The following ARK2C variants were observed in gnomAD, a reference collection of about 807,000 sequenced individuals.
The protein encoded by ARK2C is E3 ubiquitin-protein ligase ARK2C.
At chr18:46,419,398 C>T in the ARK2C span, among the ~76,000 whole-genome samples, 2 of 152,158 alleles carry the variant, frequency 1.3e-5, no homozygotes, top group Admixed American at 6.5e-5. Flanking sequence ...TCATAGCATT[C>T]CCCCTGCTAG....
chr18:46,425,885 G>A, the ARK2C span, among the ~76,000 whole-genome samples: 1 of 152,198 alleles, frequency 6.6e-6, no homozygotes, highest in African/African-American at 2.4e-5. Flanking sequence ...TGGAGGCTGG[G>A]CAGTCCAAGA....
chr18:46,341,391 G>A, the ARK2C span, among the ~76,000 whole-genome samples: 1 of 152,068 alleles, frequency 6.6e-6, no homozygotes, highest in Non-Finnish European at 1.5e-5. Context: ...GTAAGGTGGA[G>A]TAAGCAGGAT....
At chr18:46,390,361 T>C in the ARK2C span, among the ~76,000 whole-genome samples, 2 of 152,184 alleles carry the variant, frequency 1.3e-5, no homozygotes, top group African/African-American at 4.8e-5. Context: ...AATGGGGCAT[T>C]GTGGAGATTA....
At chr18:46,343,957 C>T in the ARK2C span, among the ~76,000 whole-genome samples, 2 of 152,224 alleles carry the variant, frequency 1.3e-5, no homozygotes, top group African/African-American at 4.8e-5. Flanking sequence ...CTTGTTGGGC[C>T]ACTGAGCGGG....
the ARK2C span, among the ~76,000 whole-genome samples, chr18:46,338,172 T>C: frequency 1.3e-5 from 2 of 152,228 alleles, no homozygotes; most frequent in Admixed American, 1.3e-4. Context: ...TTACTGTCCT[T>C]ATAAATCATG....
the ARK2C span, chr18:46,336,238 A>T: frequency 1.0e-6 from 1 of 985,250 alleles, no homozygotes; most frequent in Non-Finnish European, 1.2e-6. Flanking sequence ...AAGTATAATT[A>T]TCCTGATTAA....
chr18:46,433,082 T>C, the ARK2C span: 3 of 738,834 alleles, frequency 4.1e-6, no homozygotes, highest in Non-Finnish European at 6.5e-6. Context: ...TGTCCTAATG[T>C]AGGTCTTGAG....
the ARK2C span, among the ~76,000 whole-genome samples, chr18:46,407,494 G>A: frequency 6.6e-6 from 1 of 152,192 alleles, no homozygotes; most frequent in Non-Finnish European, 1.5e-5. Flanking sequence ...CGACAGGACA[G>A]TGTTAGCCTG....
chr18:46,453,069 C>T, the ARK2C span, among the ~76,000 whole-genome samples: 1 of 152,188 alleles, frequency 6.6e-6, no homozygotes, highest in Non-Finnish European at 1.5e-5. Context: ...TTTTCCCTAA[C>T]CCATGTGCTG....
At chr18:46,345,464 G>T in the ARK2C span, among the ~76,000 whole-genome samples, 1 of 152,206 alleles carries the variant, frequency 6.6e-6, no homozygotes, top group Non-Finnish European at 1.5e-5. Flanking sequence ...GAGGCATCAG[G>T]TTCCCGCCTT....
At chr18:46,458,890 A>C in the ARK2C span, 2 of 152,226 alleles carry the variant, frequency 1.3e-5, no homozygotes, top group African/African-American at 4.8e-5. Context: ...CACAGCGTCC[A>C]ACTCAGTAGC....
the ARK2C span, among the ~76,000 whole-genome samples, chr18:46,369,669 C>T: frequency 6.6e-6 from 1 of 152,182 alleles, no homozygotes; most frequent in Non-Finnish European, 1.5e-5. Flanking sequence ...TAGCCTATCT[C>T]ATTTAGTTCT....
At chr18:46,355,325 TG>T in the ARK2C span, among the ~76,000 whole-genome samples, 1 of 152,124 alleles carries the variant, frequency 6.6e-6, no homozygotes, top group African/African-American at 2.4e-5. Flanking sequence ...AGGGGAGCAG[TG>T]GTCCCGAGGT....
the ARK2C span, among the ~76,000 whole-genome samples, chr18:46,369,464 G>A: frequency 1.2e-3 from 187 of 152,232 alleles, 1 homozygote; most frequent in African/African-American, 4.3e-3. Context: ...GCCAGCTTCC[G>A]GGGAATGTTG....
chr18:46,393,952 C>T, the ARK2C span, among the ~76,000 whole-genome samples: 1 of 152,198 alleles, frequency 6.6e-6, no homozygotes, highest in Admixed American at 6.5e-5. Context: ...GGTGGGGATC[C>T]TGTGGGATTC....
At chr18:46,441,291 C>T in the ARK2C span, among the ~76,000 whole-genome samples, 1 of 152,170 alleles carries the variant, frequency 6.6e-6, no homozygotes, top group Non-Finnish European at 1.5e-5. Flanking sequence ...TGTGCCCAGA[C>T]GCAGGCTGGT....
the ARK2C span, among the ~76,000 whole-genome samples, chr18:46,396,094 G>A: frequency 6.6e-6 from 1 of 152,236 alleles, no homozygotes; most frequent in Non-Finnish European, 1.5e-5. Flanking sequence ...GAGACACAGA[G>A]ACCAAGAGAA....
chr18:46,368,692 G>A, the ARK2C span, among the ~76,000 whole-genome samples: 2 of 152,222 alleles, frequency 1.3e-5, no homozygotes, highest in African/African-American at 4.8e-5. Context: ...CATCAGGAGT[G>A]AGCAGCACAC....
chr18:46,347,221 A>T, the ARK2C span, among the ~76,000 whole-genome samples: 5 of 152,162 alleles, frequency 3.3e-5, no homozygotes, highest in South Asian at 1.0e-3. Flanking sequence ...CCCAGATCTG[A>T]TCCAAGAGGT....
Sources: allele counts gnomAD v4.1 joint callset (sites outside exome capture counted in the v4.1 genomes callset), GRCh38; gene constraint gnomAD v4.1.1; transcripts MANE v1.5; gene names NCBI Gene and HGNC (gene_info 2026-07-23, HGNC 2026-07-21).